LRRC71: variants seen among roughly 807,000 people sequenced by gnomAD.
LRRC71 encodes leucine-rich repeat-containing protein 71.
LRRC71 carries 54 observed loss-of-function variants against 66.6 expected under a neutral mutation model. The ratio of observed to expected loss-of-function variants is 0.81; its 90% CI spans 0.65 to 1.02. The LOEUF is 1.02. LRRC71 is among the 50% of genes least tolerant of loss of function. LRRC71 has a pLI of 0.00. For missense variants in LRRC71, 724 were observed against 718.0 expected, an observed-to-expected ratio of 1.01 and a Z score of -0.10; for synonymous variants, 323 against 303.9, an observed-to-expected ratio of 1.06 and a Z score of -0.65.
At chr1:156,937,036 G>A (rs747763386), downstream of LRRC71, 39 of 1,605,564 alleles carry the variant, frequency 2.4e-5, 1 homozygote, top group East Asian at 3.1e-4. Flanking sequence ...ATGTCTGCTC[G>A]AGTCCTTCTA....
intron 5 of LRRC71, among the ~76,000 whole-genome samples, chr1:156,926,063 G>A (rs754848738): frequency 9.2e-5 from 14 of 152,308 alleles, no homozygotes; most frequent in East Asian, 1.9e-4. Flanking sequence ...TTTACATAGC[G>A]TCATTTCTAG....
At chr1:156,939,895 T>C in the LRRC71 span, 13 of 1,605,412 alleles carry the variant, frequency 8.1e-6, no homozygotes, top group South Asian at 1.2e-4. Flanking sequence ...CAGGATCAGA[T>C]GTCGCAGGTT....
intron 4 of LRRC71, 91 bp from the exon 5 acceptor site, chr1:156,924,847 A>C: frequency 6.6e-7 from 1 of 1,507,716 alleles, no homozygotes; most frequent in Non-Finnish European, 9.0e-7. Context: ...GGGGATGAGG[A>C]AGGGCACCGC....
chr1:156,933,095 GGTC>G (rs1654638382), downstream of LRRC71: 3 of 665,980 alleles, frequency 4.5e-6, no homozygotes, highest in East Asian at 2.8e-5. Flanking sequence ...TTTTCCTTGA[GGTC>G]GTCTGAAAAC....
At chr1:156,921,151 G>A (rs1355945323) in intron 1 of LRRC71, among the ~76,000 whole-genome samples, 188 bp downstream of exon 1, 1 of 152,226 alleles carries the variant, frequency 6.6e-6, no homozygotes, top group Non-Finnish European at 1.5e-5. Flanking sequence ...TTGGGATGGT[G>A]ACAAATACCA....
rs1399949521 is a variant in LRRC71 at position 156,930,625 on chromosome 1, G to A, written c.1329+8G>A. ...ATCCTCCTGGAGTCCGAGGTAAGTT[G>A]CCAGGAGGAGTGGAGGCAGGGGGCA... is the stretch of plus-strand genomic sequence containing the variant. On this transcript the variant is annotated splice_region_variant and intron_variant, in intron 12 of 14. Coordinates refer to ENST00000337428, the MANE Select transcript of LRRC71 (RefSeq NM_144702.3). 6.4e-7 allele frequency: 1 copy of A among 1,556,144 alleles called. No homozygotes were observed. The highest frequency in any genetic ancestry group is 8.7e-7 in the Non-Finnish European group (1 of 1,149,548).
chr1:156,940,325 A>C, the LRRC71 span: 2 of 1,613,824 alleles, frequency 1.2e-6, no homozygotes, highest in African/African-American at 2.7e-5. Context: ...TGGAAGGGCA[A>C]GGCAGGACAC....
the LRRC71 span, chr1:156,940,230 A>C: frequency 6.3e-7 from 1 of 1,595,682 alleles, no homozygotes; most frequent in Non-Finnish European, 8.6e-7. Flanking sequence ...GGAGTCAGCG[A>C]GCCCTTCCAT....
downstream of LRRC71, chr1:156,936,110 C>A (rs41273229): frequency 6.4e-7 from 1 of 1,567,114 alleles, no homozygotes. Flanking sequence ...GTGACCGCTT[C>A]CACATGTTTT....
Position 156,928,363 on chromosome 1 carries a change from C to CTTCTTCTTCTTCTTCT in LRRC71, c.996+360_996+361insTCTTCTTCTTCTTCTT, listed in dbSNP as rs1653584959. ...TTCTTCTTTCTTTCTCTTCTTCTTC[C>CTTCTTCTTCTTCTTCT]TCTTCTTCTTCTTCTTCTTCTTCTT... On this transcript the variant is annotated intron_variant, in intron 9 of 14. Coordinates refer to ENST00000337428, the MANE Select transcript of LRRC71 (RefSeq NM_144702.3). 1.0e-3 allele frequency among the ~76,000 whole-genome samples: 100 copies of CTTCTTCTTCTTCTTCT among 98,818 alleles called. 1 individual carries two copies. The highest frequency in any genetic ancestry group is 4.6e-3 in the African/African-American group (87 of 18,770). 64.8% of individuals were successfully genotyped at this position (98,818 alleles called of 152,430 possible).
At chr1:156,937,363 T>C (rs528951675), downstream of LRRC71, 3 of 1,611,528 alleles carry the variant, frequency 1.9e-6, no homozygotes, top group East Asian at 6.7e-5. Flanking sequence ...CATCGTTGCC[T>C]CCCTGCAGCT....
intron 2 of LRRC71, 63 bp downstream of exon 2, chr1:156,924,161 T>C: frequency 6.6e-7 from 1 of 1,514,858 alleles, no homozygotes; most frequent in Non-Finnish European, 8.9e-7. Flanking sequence ...CAGCCTCCCT[T>C]CCCACGCCGG....
chr1:156,922,823 A>AT (rs1652593251), intron 1 of LRRC71, among the ~76,000 whole-genome samples: 1 of 152,156 alleles, frequency 6.6e-6, no homozygotes, highest in Non-Finnish European at 1.5e-5. Context: ...TCTCCAGGTG[A>AT]TTTTTAAGAT....
intron 5 of LRRC71, among the ~76,000 whole-genome samples, chr1:156,925,953 T>G (rs1329269550): frequency 6.6e-6 from 1 of 152,218 alleles, no homozygotes; most frequent in Non-Finnish European, 1.5e-5. Flanking sequence ...TAAAAGTAAA[T>G]CATAGCAACA....
chr1:156,939,593 C>A, the LRRC71 span: 1 of 1,613,224 alleles, frequency 6.2e-7, no homozygotes, highest in South Asian at 1.1e-5. Context: ...GTGCTTGAAG[C>A]ATCTTCAGCC....
At chr1:156,937,544 G>A (rs1301371450), downstream of LRRC71, 13 of 1,496,592 alleles carry the variant, frequency 8.7e-6, no homozygotes, top group Non-Finnish European at 1.2e-5. Flanking sequence ...CAGAGAAGTC[G>A]AAGCTATCCT....
rs1653021461 is a variant in LRRC71 at position 156,925,268 on chromosome 1, G to A, written c.593+253G>A. 2.0e-5 allele frequency among the ~76,000 whole-genome samples: 3 copies of A among 152,290 alleles called. No individual in the cohort carries two copies. The South Asian group carries it at 6.2e-4, about 32-fold the overall frequency. On this transcript the variant is annotated intron_variant, in intron 5 of 14. Transcript: ENST00000337428. ...GGCTCAACCTGTCTCCCCTGCATTA[G>A]TCTCATTACCCTCCACTCCCTCCCC...
intron 1 of LRRC71, 95 bp downstream of exon 1, chr1:156,921,058 C>T: frequency 7.5e-7 from 1 of 1,337,098 alleles, no homozygotes; most frequent in East Asian, 2.9e-5. Context: ...TGGCTGAACT[C>T]ATACATACCT....
chr1:156,936,017 C>T (rs748007604), downstream of LRRC71: 33 of 1,613,494 alleles, frequency 2.0e-5, no homozygotes, highest in Admixed American at 6.7e-5. Flanking sequence ...CCTGGTGACG[C>T]GGCTGCGTCT....
Sources: gnomAD v4.1 joint callset for allele counts (sites outside exome capture counted in the v4.1 genomes callset) on GRCh38, gnomAD v4.1.1 for gene constraint, MANE v1.5 for transcripts, NCBI Gene and HGNC (gene_info 2026-07-23, HGNC 2026-07-21) for gene names.